Variants in AP1M1 observed in about 807,000 individuals in gnomAD.
AP1M1 encodes AP-1 complex subunit mu-1.
Under a neutral mutation model 57.1 loss-of-function variants are expected in AP1M1, and 18 were observed. That is an observed-to-expected ratio of 0.32 (90% confidence interval 0.22 to 0.47). AP1M1 has a LOEUF of 0.47. Among genes scored for constraint, AP1M1 ranks in the 20% least tolerant of loss-of-function variants. The pLI, the probability that AP1M1 is intolerant of heterozygous loss-of-function variation, is 1.00. For synonymous variants in AP1M1, 241 were observed against 237.9 expected, an observed-to-expected ratio of 1.01 and a Z score of -0.12; for missense variants, 362 against 593.5, an observed-to-expected ratio of 0.61 and a Z score of 4.05.
Position 16,206,568 on chromosome 19 carries a change from A to T in AP1M1, c.267+160A>T. 3 of 710,454 alleles carry T rather than the reference A, an allele frequency of 4.2e-6. No individual in the cohort carries two copies. The highest frequency in any genetic ancestry group is 7.3e-6 in the Non-Finnish European group (3 of 408,746). The allele number at this position is 710,454 out of a possible 1,614,324, so 44.0% of individuals were successfully genotyped here. On this transcript the variant is annotated intron_variant, in intron 3 of 11. Transcript: ENST00000291439. This position sits in a 1 kb window ranked among gnomAD's most constrained non-coding sequence, Gnocchi z 4.3. ...TGGGAAAGGGGAGTCCCAACTCCCC[A>T]CGCCTGTGGAATTCTATAGCTCACG...
At chr19:16,198,248 A>T in intron 1 of AP1M1, 180 bp downstream of exon 1, 2 of 497,392 alleles carry the variant, frequency 4.0e-6, no homozygotes, top group East Asian at 3.8e-5. Context: ...GGGGGTCTTA[A>T]GTGGGTAATC....
chr19:16,201,497 C>T lies in AP1M1; in HGVS notation c.43-1962C>T, dbSNP rs533403857. 3.3e-4 allele frequency among the ~76,000 whole-genome samples: 47 copies of T among 143,446 alleles called. 1 individual carries two copies. The South Asian group carries it at 0.01, about 31-fold the overall frequency. The allele number at this position is 143,446 out of a possible 152,430, so 94.1% of individuals were successfully genotyped here. ...CACTGCAACCTCTGCCTCCCAGGTT[C>T]AAGTGATTCTCCTGCCTCAGCCTCC... On this transcript the variant is annotated intron_variant, in intron 1 of 11. Coordinates refer to ENST00000291439, the MANE Select transcript of AP1M1 (RefSeq NM_032493.4).
At chr19:16,225,689 C>A (rs889401988) in intron 5 of AP1M1, among the ~76,000 whole-genome samples, 1 of 152,122 alleles carries the variant, frequency 6.6e-6, no homozygotes, top group African/African-American at 2.4e-5. Context: ...CAATGCCTGG[C>A]GCAGTGGAAA....
At chr19:16,229,017 T>C in intron 9 of AP1M1, 89 bp downstream of exon 9, 1 of 1,468,828 alleles carries the variant, frequency 6.8e-7, no homozygotes, top group Non-Finnish European at 9.3e-7. Context: ...CACCTCAAGA[T>C]GGGGTGACAG....
Position 16,206,530 on chromosome 19 carries a change from G to C in AP1M1, c.267+122G>C. The C allele has an allele frequency of 9.9e-7, 1 of 1,010,318 alleles. No homozygotes were observed. Among genetic ancestry groups the C allele is most frequent in the Non-Finnish European group, 1.5e-6 (1 of 665,876 alleles). 62.6% of individuals were successfully genotyped at this position (1,010,318 alleles called of 1,614,324 possible). On this transcript the variant is annotated intron_variant, in intron 3 of 11. Transcript: ENST00000291439. This position sits in a 1 kb window ranked among gnomAD's most constrained non-coding sequence, Gnocchi z 4.3. ...GCATCCCCAGGGAGCACTGGGGCTG[G>C]AAGCCCAGGAAGTGGGAAAGGGGAG...
Position 16,244,805 on chromosome 19 carries a change from C to T in AP1M1, c.*10370C>T, listed in dbSNP as rs1323337684. The T allele has an allele frequency of 6.6e-6, 1 of 150,682 alleles. No individual in the cohort carries two copies. The highest frequency in any genetic ancestry group is 1.5e-5 in the Non-Finnish European group (1 of 67,932). 9.3% of individuals were successfully genotyped at this position (150,682 alleles called of 1,614,324 possible). On this transcript the variant is annotated 3_prime_UTR_variant, in exon 12 of 12. Transcript: ENST00000291439. ...AGATTGCGCCACTGCAGTCCGCAGT[C>T]CGGCCTGGGCGACAGAGCGAGACTC... is the stretch of plus-strand genomic sequence containing the variant.
rs537105454 is a variant in AP1M1, at chr19:16,201,127, C to T, written c.43-2332C>T. On this transcript the variant is annotated intron_variant, in intron 1 of 11. Coordinates refer to ENST00000291439, the MANE Select transcript of AP1M1 (RefSeq NM_032493.4). ...CAGCCATCTGCACAAGAGACCTGGACGTTATCCTCGCCTCCTTTGTCTCCT... is the reference window on the plus strand; with the variant it reads ...CAGCCATCTGCACAAGAGACCTGGATGTTATCCTCGCCTCCTTTGTCTCCT... 2.8e-4 allele frequency among the ~76,000 whole-genome samples: 42 copies of T among 152,286 alleles called. No homozygotes were observed. In the South Asian group the frequency reaches 4.6e-3, roughly 17 times the overall value.
chr19:16,219,256 G>T (rs755282737), intron 5 of AP1M1, among the ~76,000 whole-genome samples: 5 of 152,032 alleles, frequency 3.3e-5, no homozygotes, highest in Non-Finnish European at 7.4e-5. Context: ...ATTATAGGTT[G>T]AGTATCCCTT....
chr19:16,219,449 G>C (rs2091533237), intron 5 of AP1M1, among the ~76,000 whole-genome samples: 1 of 150,020 alleles, frequency 6.7e-6, no homozygotes, highest in Non-Finnish European at 1.5e-5. Flanking sequence ...CCAGGCTGGA[G>C]TGCAATGGCA....
intron 1 of AP1M1, among the ~76,000 whole-genome samples, chr19:16,199,260 C>T (rs1474447496): frequency 6.6e-6 from 1 of 152,134 alleles, no homozygotes; most frequent in Non-Finnish European, 1.5e-5. Flanking sequence ...GAGGGTTTCC[C>T]TGAGGAGGGG....
chr19:16,231,989 A>T (rs2091600882), intron 9 of AP1M1, among the ~76,000 whole-genome samples: 1 of 152,092 alleles, frequency 6.6e-6, no homozygotes, highest in Non-Finnish European at 1.5e-5. Context: ...CTGGATGGAG[A>T]TCTGGGCCGG....
chr19:16,238,382 T>C lies in AP1M1; in HGVS notation c.*3947T>C, dbSNP rs376127. The C allele has an allele frequency of 0.17, 25,163 of 152,134 alleles. 3,647 individuals carry two copies. Among genetic ancestry groups the C allele is most frequent in the African/African-American group, 0.38 (15,570 of 41,442 alleles). The allele number at this position is 152,134 out of a possible 1,614,324, so 9.4% of individuals were successfully genotyped here. A position where few individuals can be genotyped will look rare whatever the true frequency, so the allele number is the denominator to read the frequency against. ...CCTTCAATAGGAAAAGGGACCACTGTAGTCCATTCATGCAAGAGATTACAG... is the reference window on the plus strand; with the variant it reads ...CCTTCAATAGGAAAAGGGACCACTGCAGTCCATTCATGCAAGAGATTACAG... On this transcript the variant is annotated 3_prime_UTR_variant, in exon 12 of 12. Transcript: ENST00000291439.
At position 16,238,304 on chromosome 19, in the gene AP1M1, C is replaced by A. The variant is rs2091632806; in HGVS notation, c.*3869C>A. On this transcript the variant is annotated 3_prime_UTR_variant, in exon 12 of 12. Coordinates refer to ENST00000291439, the MANE Select transcript of AP1M1 (RefSeq NM_032493.4). ...TAGAGAAATATCAGGTGTACAGTTA[C>A]ACTTACAGCAGCATAGTTCATGATA... The A allele has an allele frequency of 1.0e-5, 1 of 98,824 alleles. No individual in the cohort carries two copies. Among genetic ancestry groups the A allele is most frequent in the African/African-American group, 2.6e-5 (1 of 38,240 alleles). The allele number at this position is 98,824 out of a possible 1,614,324, so 6.1% of individuals were successfully genotyped here. A position where few individuals can be genotyped will look rare whatever the true frequency, so the allele number is the denominator to read the frequency against.
chr19:16,200,347 G>C (rs2091441910), intron 1 of AP1M1, among the ~76,000 whole-genome samples: 1 of 152,100 alleles, frequency 6.6e-6, no homozygotes. Context: ...TGTTGCAAGG[G>C]GCAGCCTGCT....
intron 1 of AP1M1, among the ~76,000 whole-genome samples, chr19:16,198,701 G>C (rs529988252): frequency 6.6e-6 from 1 of 152,288 alleles, no homozygotes; most frequent in East Asian, 1.9e-4. Flanking sequence ...CTAGGAGTCC[G>C]ATCCAGAATC....
At position 16,228,661 on chromosome 19, in the gene AP1M1, C is replaced by T. The variant is rs986136817; in HGVS notation, c.889-109C>T. On this transcript the variant is annotated intron_variant, in intron 8 of 11. Coordinates refer to ENST00000291439, the MANE Select transcript of AP1M1 (RefSeq NM_032493.4). This position sits in a 1 kb window ranked among gnomAD's most constrained non-coding sequence, Gnocchi z 5.0. Reference sequence around the variant, plus strand: ...GTGCCTGGAGAAGTGGGGCCAGGGGCGGGGCTAGGGAGGATCCCCCGGGCC... The same window carrying T: ...GTGCCTGGAGAAGTGGGGCCAGGGGTGGGGCTAGGGAGGATCCCCCGGGCC... 5.2e-5 allele frequency: 65 copies of T among 1,258,000 alleles called. No individual in the cohort carries two copies. The East Asian group carries it at 5.2e-4, about 10-fold the overall frequency. 77.9% of individuals were successfully genotyped at this position (1,258,000 alleles called of 1,614,324 possible). A position where few individuals can be genotyped will look rare whatever the true frequency, so the allele number is the denominator to read the frequency against.
rs912572137 is a variant in AP1M1, at chr19:16,207,833, C to T, written c.268-186C>T. ...GTGGCTCCAGCCTGGCCCCACCCCA[C>T]AGCCAGCCACTGCTGTCCTGCCCCA... is the stretch of plus-strand genomic sequence containing the variant. On this transcript the variant is annotated intron_variant, in intron 3 of 11. Coordinates refer to ENST00000291439, the MANE Select transcript of AP1M1 (RefSeq NM_032493.4). This position sits in a 1 kb window ranked among gnomAD's most constrained non-coding sequence, Gnocchi z 4.2. 3.3e-5 allele frequency among the ~76,000 whole-genome samples: 5 copies of T among 152,188 alleles called. No individual in the cohort carries two copies. The highest frequency in any genetic ancestry group is 7.2e-5 in the African/African-American group (3 of 41,438).
At position 16,203,744 on chromosome 19, in the gene AP1M1, G is replaced by A. The variant is rs1423378944; in HGVS notation, c.199+129G>A. 1.0e-6 allele frequency: 1 copy of A among 976,720 alleles called. No homozygotes were observed. The highest frequency in any genetic ancestry group is 1.5e-6 in the Non-Finnish European group (1 of 662,272). 60.5% of individuals were successfully genotyped at this position (976,720 alleles called of 1,614,324 possible). A position where few individuals can be genotyped will look rare whatever the true frequency, so the allele number is the denominator to read the frequency against. ...CATTGGACACAGCCATGCCCTCCTG[G>A]AGCTCCCTGCTGCCTGCGGAGACAG... On this transcript the variant is annotated intron_variant, in intron 2 of 11. Coordinates refer to ENST00000291439, the MANE Select transcript of AP1M1 (RefSeq NM_032493.4). This position sits in a 1 kb window ranked among gnomAD's most constrained non-coding sequence, Gnocchi z 4.6.
intron 1 of AP1M1, among the ~76,000 whole-genome samples, chr19:16,200,062 G>A (rs2091440808): frequency 1.3e-5 from 2 of 152,174 alleles, no homozygotes; most frequent in South Asian, 4.1e-4. Context: ...TTATTGTGCA[G>A]ATTTGCTGAG....
Sources: allele counts gnomAD v4.1 joint callset (sites outside exome capture counted in the v4.1 genomes callset), GRCh38; gene constraint gnomAD v4.1.1; non-coding constraint Gnocchi (gnomAD v3.1); transcripts MANE v1.5; gene names NCBI Gene and HGNC (gene_info 2026-07-23, HGNC 2026-07-21).